The following RALYL variants were observed in gnomAD, a reference collection of about 807,000 sequenced individuals.
RALYL encodes RNA-binding Raly-like protein.
A neutral mutation model predicts 35.1 loss-of-function variants in RALYL; 29 were observed. That is an observed-to-expected ratio of 0.83 (90% confidence interval 0.61 to 1.13). The LOEUF (loss-of-function observed/expected upper bound fraction) is 1.13. Among genes scored for constraint, RALYL ranks in the 50% most tolerant of loss-of-function variants. The pLI is 0.00. For synonymous variants in RALYL, 120 were observed against 127.6 expected (o/e 0.94, Z 0.40); for missense variants, 359 against 360.4 (o/e 1.00, Z 0.03).
intron 1 of RALYL, among the ~76,000 whole-genome samples, chr8:84,425,049 A>C (rs1388018258): frequency 3.9e-5 from 6 of 152,316 alleles, no homozygotes; most frequent in Admixed American, 6.5e-5. Flanking sequence ...AGAGGCAGGC[A>C]GACCTCCTTG....
At chr8:84,437,450 T>C (rs975895573) in intron 1 of RALYL, among the ~76,000 whole-genome samples, 1 of 152,170 alleles carries the variant, frequency 6.6e-6, no homozygotes, top group East Asian at 1.9e-4. Context: ...CCACAGTGAC[T>C]GAGCTAACTT....
intron 4 of RALYL, among the ~76,000 whole-genome samples, chr8:84,847,208 C>T (rs919627521): frequency 2.0e-5 from 3 of 152,214 alleles, no homozygotes; most frequent in African/African-American, 7.2e-5. Flanking sequence ...AGCAGATTCC[C>T]CTGCCAATTC....
At chr8:84,263,986 T>G (rs1021576914) in intron 1 of RALYL, among the ~76,000 whole-genome samples, 20 of 152,228 alleles carry the variant, frequency 1.3e-4, no homozygotes, top group Non-Finnish European at 8.8e-5. Context: ...GGTATATATG[T>G]ACCACATTTT....
intron 2 of RALYL, among the ~76,000 whole-genome samples, chr8:84,711,788 T>G (rs1410129729): frequency 2.0e-5 from 3 of 152,154 alleles, no homozygotes; most frequent in African/African-American, 7.2e-5. Context: ...AAGTCTTGTT[T>G]AAAGGTACTT....
intron 2 of RALYL, among the ~76,000 whole-genome samples, chr8:84,619,555 A>T (rs1820764680): frequency 6.8e-6 from 1 of 147,124 alleles, no homozygotes; most frequent in South Asian, 2.3e-4. Context: ...CCAATTTGCC[A>T]GTCTGTGTCT....
intron 1 of RALYL, among the ~76,000 whole-genome samples, chr8:84,327,270 G>T (rs1845970818): frequency 6.6e-6 from 1 of 152,080 alleles, no homozygotes; most frequent in Non-Finnish European, 1.5e-5. Flanking sequence ...GAATTTTTCA[G>T]GTGAAGTATA....
intron 2 of RALYL, among the ~76,000 whole-genome samples, chr8:84,704,218 A>G (rs1840725743): frequency 1.3e-5 from 2 of 152,306 alleles, no homozygotes; most frequent in African/African-American, 4.8e-5. Context: ...TGAGGTCAGG[A>G]GTTCGAGATC....
At chr8:84,467,691 G>T (rs1325167113) in intron 1 of RALYL, among the ~76,000 whole-genome samples, 1 of 151,764 alleles carries the variant, frequency 6.6e-6, no homozygotes, top group Non-Finnish European at 1.5e-5. Context: ...CAATTCCTGG[G>T]TATCCTTGTT....
chr8:84,533,939 G>A (rs976063728), intron 2 of RALYL, among the ~76,000 whole-genome samples: 16 of 152,316 alleles, frequency 1.1e-4, no homozygotes, highest in African/African-American at 3.8e-4. Flanking sequence ...GAGAGCAATG[G>A]ATTTCAAATG....
intron 8 of RALYL, among the ~76,000 whole-genome samples, chr8:84,902,277 C>G (rs1330098202): frequency 6.6e-6 from 1 of 152,014 alleles, no homozygotes; most frequent in Non-Finnish European, 1.5e-5. Flanking sequence ...AGAGCAGGAG[C>G]AAGAGAGAAA....
intron 3 of RALYL, among the ~76,000 whole-genome samples, chr8:84,802,022 A>G (rs1280089855): frequency 1.3e-5 from 2 of 152,206 alleles, no homozygotes; most frequent in African/African-American, 2.4e-5. Context: ...TTCCAACAAA[A>G]TAATATCTCA....
At chr8:84,242,761 T>C (rs910746312) in intron 1 of RALYL, among the ~76,000 whole-genome samples, 5 of 152,182 alleles carry the variant, frequency 3.3e-5, no homozygotes, top group Admixed American at 6.6e-5. Flanking sequence ...ATTTGATAGA[T>C]TGCAAAAATT....
At chr8:84,821,946 A>G (rs531983215) in intron 4 of RALYL, among the ~76,000 whole-genome samples, 1 of 152,302 alleles carries the variant, frequency 6.6e-6, no homozygotes, top group South Asian at 2.1e-4. Flanking sequence ...AAATTTCACT[A>G]GATCACATTC....
At chr8:84,382,034 A>G (rs1858089954) in intron 1 of RALYL, among the ~76,000 whole-genome samples, 1 of 151,708 alleles carries the variant, frequency 6.6e-6, no homozygotes, top group Non-Finnish European at 1.5e-5. Flanking sequence ...AGTTATAAAT[A>G]AATTATATAA....
intron 2 of RALYL, among the ~76,000 whole-genome samples, chr8:84,606,981 C>T (rs1250315192): frequency 6.6e-6 from 1 of 151,704 alleles, no homozygotes; most frequent in Non-Finnish European, 1.5e-5. Context: ...ATAATGCTGT[C>T]CTTCTAGAAG....
intron 2 of RALYL, among the ~76,000 whole-genome samples, chr8:84,583,817 G>A (rs1313823758): frequency 6.6e-6 from 1 of 152,144 alleles, no homozygotes; most frequent in Non-Finnish European, 1.5e-5. Context: ...ACGTTGAGAT[G>A]TAAGTTATTA....
At chr8:84,793,580 T>C (rs535071486) in intron 3 of RALYL, among the ~76,000 whole-genome samples, 1 of 152,218 alleles carries the variant, frequency 6.6e-6, no homozygotes, top group East Asian at 1.9e-4. Context: ...CAGTATAAGA[T>C]AGATACAGCT....
At chr8:84,734,113 C>T (rs1846765977) in intron 2 of RALYL, among the ~76,000 whole-genome samples, 1 of 152,028 alleles carries the variant, frequency 6.6e-6, no homozygotes, top group Non-Finnish European at 1.5e-5. Flanking sequence ...ATATGAAAAC[C>T]CTGCATAGTC....
chr8:84,469,337 C>G (rs1302611861), intron 1 of RALYL, among the ~76,000 whole-genome samples: 3 of 152,034 alleles, frequency 2.0e-5, no homozygotes, highest in African/African-American at 7.2e-5. Flanking sequence ...GATGTCCTTT[C>G]TGTTTGTTAG....
Sources: allele counts gnomAD v4.1 joint callset (sites outside exome capture counted in the v4.1 genomes callset), GRCh38; gene constraint gnomAD v4.1.1; transcripts MANE v1.5; gene names NCBI Gene and HGNC (gene_info 2026-07-23, HGNC 2026-07-21).